Variants in WDR37 observed in about 807,000 individuals in gnomAD.
WDR37 encodes WD repeat domain 37.
In WDR37, 19 loss-of-function variants were observed where a neutral mutation model predicts 62.9. That is an observed-to-expected ratio of 0.30 (90% CI 0.21 to 0.44). The LOEUF (loss-of-function observed/expected upper bound fraction) is 0.44, where lower values mean the gene tolerates loss of function less well. WDR37 is among the 20% of genes least tolerant of loss of function. The probability of loss-of-function intolerance (pLI) is 1.00; values close to 1 mark genes in which losing one functional copy is unlikely to be tolerated. For synonymous variants in WDR37, 250 were observed against 260.9 expected (o/e 0.96, Z 0.40); for missense variants, 474 against 657.6 (o/e 0.72, Z 3.05).
At chr10:1,097,272 G>A (rs67615426) in intron 9 of WDR37, among the ~76,000 whole-genome samples, 14,460 of 152,226 alleles carry the variant, frequency 0.095, 1,429 homozygotes, top group African/African-American at 0.26. Flanking sequence ...CAGTTGACAG[G>A]GAGGCGAGTG....
intron 1 of WDR37, among the ~76,000 whole-genome samples, chr10:1,059,908 G>A (rs1429429260): frequency 6.6e-6 from 1 of 152,042 alleles, no homozygotes; most frequent in Non-Finnish European, 1.5e-5. Context: ...GCAGCGGCAT[G>A]ATCTCAGCTC....
intron 5 of WDR37, among the ~76,000 whole-genome samples, chr10:1,080,732 C>T (rs776382863): frequency 1.3e-5 from 2 of 151,826 alleles, no homozygotes; most frequent in Non-Finnish European, 2.9e-5. Context: ...ATGGTGAAAC[C>T]CTGTCTCTAC....
intron 1 of WDR37, among the ~76,000 whole-genome samples, chr10:1,066,745 A>G (rs1038345695): frequency 6.6e-6 from 1 of 152,264 alleles, no homozygotes; most frequent in African/African-American, 2.4e-5. Flanking sequence ...CGCTGCTGAT[A>G]AAGACATACC....
intron 6 of WDR37, among the ~76,000 whole-genome samples, chr10:1,085,388 T>A (rs1033502910): frequency 2.6e-5 from 4 of 152,206 alleles, no homozygotes; most frequent in African/African-American, 9.6e-5. Context: ...AAGTGAACAC[T>A]ACCTGGGCAC....
At position 1,078,113 on chromosome 10, in the gene WDR37, AAAC is replaced by A; in HGVS notation, c.235+111_235+113del. ...TTTTCTGTTCTGCTGTAGCAAACTTAAACTTATTTTAGTGGCTTAAACTAACAC... is the reference window on the plus strand; with the variant it reads ...TTTTCTGTTCTGCTGTAGCAAACTTATTATTTTAGTGGCTTAAACTAACAC... On this transcript the variant is annotated intron_variant, in intron 3 of 13. Transcript: ENST00000263150. 3.7e-6 allele frequency: 3 copies of A among 808,422 alleles called. No homozygotes were observed. The South Asian group carries it at 6.7e-5, about 18-fold the overall frequency. 50.1% of individuals were successfully genotyped at this position (808,422 alleles called of 1,614,324 possible).
At chr10:1,113,349 T>C (rs1024848055) in intron 11 of WDR37, among the ~76,000 whole-genome samples, 14 of 152,230 alleles carry the variant, frequency 9.2e-5, no homozygotes, top group African/African-American at 3.4e-4. Context: ...ACCTAAGGGC[T>C]CTGACGGAGA....
chr10:1,101,380 C>T (rs1254040770), intron 9 of WDR37, among the ~76,000 whole-genome samples: 40 of 152,210 alleles, frequency 2.6e-4, no homozygotes, highest in Admixed American at 2.6e-3. Context: ...CTTCATCCCT[C>T]TGGGAGTGTC....
At chr10:1,066,398 G>A (rs1321401092) in intron 1 of WDR37, among the ~76,000 whole-genome samples, 1 of 152,198 alleles carries the variant, frequency 6.6e-6, no homozygotes, top group Non-Finnish European at 1.5e-5. Context: ...TTATAGGCGT[G>A]AGCCACCTCG....
At chr10:1,092,756 G>C (rs1343055530) in intron 7 of WDR37, among the ~76,000 whole-genome samples, 2 of 151,322 alleles carry the variant, frequency 1.3e-5, no homozygotes, top group Non-Finnish European at 2.9e-5. Flanking sequence ...TTGTGTCCCA[G>C]CTACTTGGGA....
intron 9 of WDR37, among the ~76,000 whole-genome samples, chr10:1,100,741 G>A (rs974975312): frequency 6.6e-6 from 1 of 152,138 alleles, no homozygotes; most frequent in Non-Finnish European, 1.5e-5. Flanking sequence ...TCTTTGAGGG[G>A]TTCACCCCGT....
chr10:1,083,691 G>GT (rs1361162670), intron 5 of WDR37, among the ~76,000 whole-genome samples: 1 of 152,216 alleles, frequency 6.6e-6, no homozygotes, highest in Non-Finnish European at 1.5e-5. Context: ...ACTGTCTGCT[G>GT]TGTGTGTCGT....
At chr10:1,106,087 G>T (rs548787398) in intron 11 of WDR37, among the ~76,000 whole-genome samples, 1 of 152,136 alleles carries the variant, frequency 6.6e-6, no homozygotes, top group Non-Finnish European at 1.5e-5. Flanking sequence ...GCCCAGCCGT[G>T]TAAGGTCTTA....
intron 11 of WDR37, among the ~76,000 whole-genome samples, chr10:1,109,888 A>G (rs148322958): frequency 1.5e-4 from 23 of 152,220 alleles, no homozygotes; most frequent in African/African-American, 4.8e-4. Context: ...ATGTCTTCCT[A>G]TTGGAATCAG....
Position 1,131,468 on chromosome 10 carries a change from C to T in WDR37, c.*2124C>T, listed in dbSNP as rs896369290. 8 of 152,252 alleles carry T rather than the reference C, an allele frequency of 5.3e-5. No homozygotes were observed. Among genetic ancestry groups the T allele is most frequent in the Non-Finnish European group, 7.3e-5 (5 of 68,080 alleles). 9.4% of individuals were successfully genotyped at this position (152,252 alleles called of 1,614,324 possible). A position where few individuals can be genotyped will look rare whatever the true frequency, so the allele number is the denominator to read the frequency against. On this transcript the variant is annotated 3_prime_UTR_variant, in exon 14 of 14. Transcript: ENST00000263150. ...CACTGAGTTCCAGGCACACTGGTGC[C>T]CTTTACTGCCACAGCTGCTCACCTT...
At chr10:1,094,335 G>T (rs904103150) in intron 8 of WDR37, among the ~76,000 whole-genome samples, 2 of 152,206 alleles carry the variant, frequency 1.3e-5, no homozygotes, top group African/African-American at 4.8e-5. Context: ...TTGTGCTGAC[G>T]CAGGAATAGA....
At chr10:1,072,041 C>T (rs1833747116) in intron 1 of WDR37, 75 bp from the exon 2 acceptor site, 2 of 1,188,828 alleles carry the variant, frequency 1.7e-6, no homozygotes, top group African/African-American at 1.5e-5. Context: ...TAGAAGTCAT[C>T]ATTATCTTCT....
chr10:1,130,484 AG>A lies in WDR37; in HGVS notation c.*1141del, dbSNP rs1835926933. On this transcript the variant is annotated 3_prime_UTR_variant, in exon 14 of 14. Coordinates refer to ENST00000263150, the MANE Select transcript of WDR37 (RefSeq NM_014023.4). The stretch of plus-strand genomic sequence containing the variant: ...TGTGGTGGGGACGCCTCTCAGTGCC[AG>A]TCCCGCCACTGCTGAGTGAGCCTGG... The A allele has an allele frequency of 2.0e-5, 3 of 152,436 alleles. No individual in the cohort carries two copies. The highest frequency in any genetic ancestry group is 7.2e-5 in the African/African-American group (3 of 41,464). 9.4% of individuals were successfully genotyped at this position (152,436 alleles called of 1,614,324 possible). A position where few individuals can be genotyped will look rare whatever the true frequency, so the allele number is the denominator to read the frequency against.
At chr10:1,073,115 G>C (rs1287909065) in intron 2 of WDR37, among the ~76,000 whole-genome samples, 1 of 152,112 alleles carries the variant, frequency 6.6e-6, no homozygotes, top group Non-Finnish European at 1.5e-5. Context: ...ATTTATAGCT[G>C]ATGAAATTCT....
At chr10:1,071,127 A>G (rs1833715400) in intron 1 of WDR37, among the ~76,000 whole-genome samples, 1 of 152,206 alleles carries the variant, frequency 6.6e-6, no homozygotes, top group Admixed American at 6.5e-5. Context: ...CTTTACGCTG[A>G]TATATTCACA....
Sources: allele counts gnomAD v4.1 joint callset (sites outside exome capture counted in the v4.1 genomes callset), GRCh38; gene constraint gnomAD v4.1.1; transcripts MANE v1.5; gene names NCBI Gene and HGNC (gene_info 2026-07-23, HGNC 2026-07-21).